Variants in SLC6A2 observed in about 807,000 individuals in gnomAD.
SLC6A2 encodes solute carrier family 6 member 2, also known as sodium-dependent noradrenaline transporter.
A neutral mutation model predicts 71.7 loss-of-function variants in SLC6A2; 26 were observed. The observed-to-expected ratio is 0.36, with a 90% confidence interval of 0.27 to 0.50. SLC6A2 has a LOEUF of 0.50. Among genes scored for constraint, SLC6A2 ranks in the 20% least tolerant of loss-of-function variants. The pLI, the probability that SLC6A2 is intolerant of heterozygous loss-of-function variation, is 0.96. For missense variants in SLC6A2, 581 were observed against 803.9 expected (o/e 0.72, Z 3.35); for synonymous variants, 363 against 337.9 (o/e 1.07, Z -0.82).
intron 9 of SLC6A2, among the ~76,000 whole-genome samples, chr16:55,696,575 G>C (rs1413905374): frequency 6.6e-6 from 1 of 152,188 alleles, no homozygotes; most frequent in Non-Finnish European, 1.5e-5. Flanking sequence ...AAAAGAAGAG[G>C]CTTCAGATAA....
intron 2 of SLC6A2, among the ~76,000 whole-genome samples, chr16:55,663,326 T>C (rs566468762): frequency 3.9e-5 from 6 of 152,276 alleles, no homozygotes; most frequent in Admixed American, 2.6e-4. Context: ...TTAATGTCCT[T>C]TGGAGAGGGT....
chr16:55,698,127 A>G, intron 10 of SLC6A2, 102 bp downstream of exon 10: 1 of 1,300,292 alleles, frequency 7.7e-7, no homozygotes, highest in East Asian at 2.3e-5. Flanking sequence ...GCTCAGGGAG[A>G]ACAATGCAGG....
At chr16:55,658,234 G>A (rs1176864219) in intron 2 of SLC6A2, among the ~76,000 whole-genome samples, 2 of 152,082 alleles carry the variant, frequency 1.3e-5, no homozygotes, top group East Asian at 1.9e-4. Flanking sequence ...GAGTGGGGCC[G>A]GGCATGGTGG....
chr16:55,685,517 A>T (rs893356320), intron 5 of SLC6A2, among the ~76,000 whole-genome samples: 1 of 152,102 alleles, frequency 6.6e-6, no homozygotes, highest in East Asian at 1.9e-4. Context: ...AGTGGATCAG[A>T]GTTCCTCATA....
chr16:55,671,835 G>A, intron 3 of SLC6A2, 103 bp from the exon 4 acceptor site: 1 of 1,570,968 alleles, frequency 6.4e-7, no homozygotes, highest in Non-Finnish European at 8.7e-7. Flanking sequence ...CAGGAAACGA[G>A]AGACAGAGGG....
chr16:55,666,647 A>C (rs1355281967), intron 2 of SLC6A2, among the ~76,000 whole-genome samples: 1 of 152,230 alleles, frequency 6.6e-6, no homozygotes, highest in Non-Finnish European at 1.5e-5. Context: ...CCGCAGGCAC[A>C]TGCAGACCCA....
chr16:55,690,800 A>G lies in SLC6A2; in HGVS notation c.784-1118A>G, dbSNP rs142750051. 4.1e-3 allele frequency among the ~76,000 whole-genome samples: 623 copies of G among 152,310 alleles called. 4 individuals carry two copies. The highest frequency in any genetic ancestry group is 7.1e-3 in the Non-Finnish European group (485 of 68,028). On this transcript the variant is annotated intron_variant, in intron 5 of 14. Coordinates refer to ENST00000568943, the MANE Select transcript of SLC6A2 (RefSeq NM_001172501.3). ...GATCTGAGCTTTAACATTTTTACCT[A>G]TAACTTCCCCCAGGGTATTTGAATA... is the stretch of plus-strand genomic sequence containing the variant.
At chr16:55,675,786 A>G (rs1161063524) in intron 4 of SLC6A2, among the ~76,000 whole-genome samples, 1 of 152,160 alleles carries the variant, frequency 6.6e-6, no homozygotes, top group East Asian at 1.9e-4. Flanking sequence ...GTGGAAAAAA[A>G]AAACATATTC....
chr16:55,676,484 CA>C (rs1284460785), intron 4 of SLC6A2, among the ~76,000 whole-genome samples: 1 of 152,180 alleles, frequency 6.6e-6, no homozygotes. Flanking sequence ...TGGACCCAGC[CA>C]GTGTGCATTT....
chr16:55,687,474 G>T (rs1414975528), intron 5 of SLC6A2, among the ~76,000 whole-genome samples: 6 of 152,204 alleles, frequency 3.9e-5, no homozygotes, highest in Non-Finnish European at 8.8e-5. Context: ...TGCAGGTAGA[G>T]GTGGGGTGGA....
At chr16:55,679,986 T>C (rs1328936995) in intron 4 of SLC6A2, among the ~76,000 whole-genome samples, 7 of 152,236 alleles carry the variant, frequency 4.6e-5, no homozygotes, top group African/African-American at 1.7e-4. Context: ...CCCTGGCCTC[T>C]ACCCTCTAGA....
chr16:55,693,363 C>G lies in SLC6A2; in HGVS notation c.919-647C>G, dbSNP rs1280284979. Among the ~76,000 whole-genome samples the G allele has an allele frequency of 5.7e-5, 6 of 105,436 alleles. 1 individual carries two copies. The highest frequency in any genetic ancestry group is 5.7e-4 in the Admixed American group (6 of 10,614). The allele number at this position is 105,436 out of a possible 152,430, so 69.2% of individuals were successfully genotyped here. On this transcript the variant is annotated intron_variant, in intron 6 of 14. Coordinates refer to ENST00000568943, the MANE Select transcript of SLC6A2 (RefSeq NM_001172501.3). ...CCAGCCTGGGTGACAGAGTGAGACC[C>G]TGCTTAAAAAAAAAAAATCTGAATT...
intron 10 of SLC6A2, 87 bp downstream of exon 10, chr16:55,698,112 G>T: frequency 6.9e-7 from 1 of 1,440,394 alleles, no homozygotes; most frequent in Non-Finnish European, 9.8e-7. Context: ...TAGAACTGGG[G>T]CTGAGCTCAG....
intron 2 of SLC6A2, among the ~76,000 whole-genome samples, chr16:55,658,519 CA>C (rs112026296): frequency 9.0e-5 from 13 of 144,868 alleles, no homozygotes; most frequent in African/African-American, 7.6e-5. Context: ...GACTCTGTCT[CA>C]AAAAAAAAAG....
chr16:55,671,394 G>GAGCTCTCGGGCAAAGAGAT (rs1292640125), intron 3 of SLC6A2, among the ~76,000 whole-genome samples: 10 of 152,166 alleles, frequency 6.6e-5, no homozygotes, highest in African/African-American at 2.2e-4. Flanking sequence ...TGGAAAGAGA[G>GAGCTCTCGGGCAAAGAGAT]AGCTCTCGGG....
chr16:55,687,819 G>C (rs148415060), intron 5 of SLC6A2, among the ~76,000 whole-genome samples: 3 of 152,342 alleles, frequency 2.0e-5, no homozygotes, highest in Non-Finnish European at 2.9e-5. Flanking sequence ...TGGAGTATAT[G>C]TTGTCTGCAG....
At chr16:55,681,734 C>A (rs1161453206) in intron 4 of SLC6A2, among the ~76,000 whole-genome samples, 1 of 152,198 alleles carries the variant, frequency 6.6e-6, no homozygotes, top group Non-Finnish European at 1.5e-5. Flanking sequence ...CTGCATCATT[C>A]GGGATGATTC....
intron 2 of SLC6A2, 67 bp downstream of exon 2, chr16:55,657,035 A>C: frequency 1.3e-6 from 2 of 1,564,490 alleles, no homozygotes; most frequent in Non-Finnish European, 1.7e-6. Flanking sequence ...TGGCTGGGAC[A>C]GGAGCTGGAA....
rs1426127666 is a variant in SLC6A2, at chr16:55,705,965, G to C, written c.*3619G>C. ...GATCCACAGCTCTGCTGTGGTCTTA[G>C]AAGCCACTGAAACATTGGTGAATGT... is the stretch of plus-strand genomic sequence containing the variant. On this transcript the variant is annotated 3_prime_UTR_variant, in exon 15 of 15. Transcript: ENST00000568943. The C allele has an allele frequency of 6.6e-6, 1 of 152,214 alleles. No individual in the cohort carries two copies. The highest frequency in any genetic ancestry group is 1.9e-4 in the East Asian group (1 of 5,188). 9.4% of individuals were successfully genotyped at this position (152,214 alleles called of 1,614,324 possible). A position where few individuals can be genotyped will look rare whatever the true frequency, so the allele number is the denominator to read the frequency against.
Sources: allele counts gnomAD v4.1 joint callset (sites outside exome capture counted in the v4.1 genomes callset), GRCh38; gene constraint gnomAD v4.1.1; transcripts MANE v1.5; gene names NCBI Gene and HGNC (gene_info 2026-07-23, HGNC 2026-07-21).